Variants in SGCD observed in about 807,000 individuals in gnomAD.
SGCD encodes the protein sarcoglycan delta.
SGCD carries 18 observed loss-of-function variants against 36.6 expected under a neutral mutation model. The ratio of observed to expected loss-of-function variants is 0.49; its 90% CI spans 0.34 to 0.73. SGCD has a LOEUF of 0.73. Ranked by LOEUF, SGCD falls within the 30% of genes least tolerant of loss-of-function variation. The pLI is 0.01. For synonymous variants in SGCD, 133 were observed against 130.6 expected, an observed-to-expected ratio of 1.02 and a Z score of -0.12; for missense variants, 387 against 346.7, an observed-to-expected ratio of 1.12 and a Z score of -0.92.
intron 1 of SGCD, among the ~76,000 whole-genome samples, chr5:156,062,336 T>G (rs1189060265): frequency 6.1e-4 from 21 of 34,552 alleles, no homozygotes; most frequent in African/African-American, 5.4e-3. Flanking sequence ...CTATCATTGT[T>G]GGACATTTGG....
intron 4 of SGCD, among the ~76,000 whole-genome samples, chr5:156,573,685 T>C (rs1185396414): frequency 1.3e-5 from 2 of 152,092 alleles, no homozygotes; most frequent in Non-Finnish European, 2.9e-5. Flanking sequence ...GGATCTCTTC[T>C]TGTTATTTTT....
At chr5:155,982,120 CT>C (rs1758240880) in intron 1 of SGCD, among the ~76,000 whole-genome samples, 1 of 152,152 alleles carries the variant, frequency 6.6e-6, no homozygotes. Flanking sequence ...CTGCCTTGAC[CT>C]TGTGTGTGTC....
chr5:155,838,428 C>G, the SGCD span, among the ~76,000 whole-genome samples: 20 of 151,920 alleles, frequency 1.3e-4, no homozygotes, highest in African/African-American at 4.6e-4. Flanking sequence ...AACATTATTC[C>G]ATAGGGTTTC....
At chr5:156,318,828 T>A (rs568845663) in intron 3 of SGCD, among the ~76,000 whole-genome samples, 26 of 152,158 alleles carry the variant, frequency 1.7e-4, no homozygotes, top group Non-Finnish European at 2.9e-4. Flanking sequence ...ACTCCTGACC[T>A]CAGGTGATCC....
At chr5:155,962,825 G>T (rs763763124) in intron 1 of SGCD, among the ~76,000 whole-genome samples, 12 of 152,108 alleles carry the variant, frequency 7.9e-5, no homozygotes, top group Non-Finnish European at 1.8e-4. Flanking sequence ...ACTGATTCCC[G>T]ATAAAACCAC....
intron 3 of SGCD, among the ~76,000 whole-genome samples, chr5:156,456,431 G>A (rs1281054559): frequency 2.6e-5 from 4 of 152,160 alleles, no homozygotes; most frequent in African/African-American, 4.8e-5. Flanking sequence ...TATTGGACAC[G>A]AGTTAAGACC....
At chr5:156,425,558 GT>G (rs57702540) in intron 3 of SGCD, among the ~76,000 whole-genome samples, 24 of 151,696 alleles carry the variant, frequency 1.6e-4, no homozygotes, top group Middle Eastern at 3.4e-3. Flanking sequence ...TGGATGACGG[GT>G]TTTTTTTATT....
intron 7 of SGCD, among the ~76,000 whole-genome samples, chr5:156,692,169 A>G (rs960538836): frequency 6.6e-6 from 1 of 152,240 alleles, no homozygotes; most frequent in Non-Finnish European, 1.5e-5. Context: ...TCAAGACTCT[A>G]CAAAGTACTT....
chr5:156,227,119 A>G (rs774980925), intron 3 of SGCD, among the ~76,000 whole-genome samples: 1 of 152,070 alleles, frequency 6.6e-6, no homozygotes, highest in Non-Finnish European at 1.5e-5. Flanking sequence ...GCAGCTATAT[A>G]TCTTTGTTTT....
At chr5:156,473,381 G>A (rs1343495855) in intron 3 of SGCD, among the ~76,000 whole-genome samples, 1 of 152,188 alleles carries the variant, frequency 6.6e-6, no homozygotes, top group Non-Finnish European at 1.5e-5. Context: ...TTACCAAACA[G>A]CATTGCCTGC....
chr5:156,288,912 A>G (rs1276601122), intron 3 of SGCD, among the ~76,000 whole-genome samples: 1 of 152,166 alleles, frequency 6.6e-6, no homozygotes, highest in African/African-American at 2.4e-5. Context: ...TGCAAAAAAT[A>G]TAAAGTGCAG....
intron 1 of SGCD, among the ~76,000 whole-genome samples, chr5:156,107,240 A>G (rs891425571): frequency 6.6e-6 from 1 of 152,182 alleles, no homozygotes; most frequent in African/African-American, 2.4e-5. Context: ...TAGCTACCTC[A>G]TGAGCCCATC....
At chr5:156,656,736 C>A (rs1763697500) in intron 7 of SGCD, among the ~76,000 whole-genome samples, 1 of 152,140 alleles carries the variant, frequency 6.6e-6, no homozygotes, top group African/African-American at 2.4e-5. Context: ...TCACTAATCT[C>A]AAATCTATTG....
rs191806905 is a variant in SGCD at position 156,147,249 on chromosome 5, A to G, written c.-44+23230A>G. On this transcript the variant is annotated intron_variant, in intron 3 of 9. Coordinates refer to the SGCD transcript ENST00000517913. Reference sequence around the variant, plus strand: ...GGTTAACAAGTAAATTCTCTCATGAACTAGTAAATAGCAATATCAAACACT... The same window carrying G: ...GGTTAACAAGTAAATTCTCTCATGAGCTAGTAAATAGCAATATCAAACACT... Among the ~76,000 whole-genome samples the G allele has an allele frequency of 5.9e-5, 9 of 152,338 alleles. No homozygotes were observed. In the East Asian group the frequency reaches 1.7e-3, roughly 29 times the overall value.
chr5:156,444,094 C>T (rs1281813754), intron 3 of SGCD, among the ~76,000 whole-genome samples: 6 of 119,194 alleles, frequency 5.0e-5, no homozygotes, highest in African/African-American at 1.9e-4. Context: ...CTCTCTCTCT[C>T]TCTCTCTCTC....
chr5:155,943,043 C>T (rs1757362551), intron 1 of SGCD, among the ~76,000 whole-genome samples: 1 of 152,138 alleles, frequency 6.6e-6, no homozygotes, highest in Non-Finnish European at 1.5e-5. Flanking sequence ...ATTATTTGTA[C>T]AGCTATGATA....
At chr5:156,701,333 G>T (rs991177548) in intron 7 of SGCD, among the ~76,000 whole-genome samples, 5 of 151,820 alleles carry the variant, frequency 3.3e-5, no homozygotes, top group Admixed American at 1.3e-4. Context: ...CATTTTTTTG[G>T]TCAGAAAATC....
rs569764379 is a variant in SGCD at position 156,133,897 on chromosome 5, C to T, written c.-44+9878C>T. ...TTCAAAATCTTGTACAGATTTAGGTCTTATTTGCCGGGTTAAAACACACAC... is the reference window on the plus strand; with the variant it reads ...TTCAAAATCTTGTACAGATTTAGGTTTTATTTGCCGGGTTAAAACACACAC... On this transcript the variant is annotated intron_variant, in intron 3 of 9. Transcript: ENST00000517913. Among the ~76,000 whole-genome samples the T allele has an allele frequency of 1.5e-4, 22 of 146,292 alleles. 1 individual carries two copies. In the South Asian group the frequency reaches 3.5e-3, roughly 23 times the overall value.
intron 6 of SGCD, among the ~76,000 whole-genome samples, chr5:156,633,906 CAG>C (rs1762728525): frequency 6.6e-6 from 1 of 152,192 alleles, no homozygotes; most frequent in Non-Finnish European, 1.5e-5. Flanking sequence ...TTCCACACCA[CAG>C]AGAGGGCACA....
Sources: gnomAD v4.1 joint callset for allele counts (sites outside exome capture counted in the v4.1 genomes callset) on GRCh38, gnomAD v4.1.1 for gene constraint, MANE v1.5 for transcripts, NCBI Gene and HGNC (gene_info 2026-07-23, HGNC 2026-07-21) for gene names.